RAPGEF2: variants seen among roughly 807,000 people sequenced by gnomAD.
RAPGEF2 encodes PDZ domain containing guanine nucleotide exchange factor (GEF) 1.
RAPGEF2 carries 54 observed loss-of-function variants against 186.7 expected under a neutral mutation model. That is an observed-to-expected ratio of 0.29 (90% CI 0.23 to 0.36). The LOEUF (loss-of-function observed/expected upper bound fraction) is 0.36, where lower values mean the gene tolerates loss of function less well. RAPGEF2 is among the 10% of genes least tolerant of loss of function. The pLI, the probability that RAPGEF2 is intolerant of heterozygous loss-of-function variation, is 1.00. For synonymous variants in RAPGEF2, 712 were observed against 705.9 expected, an observed-to-expected ratio of 1.01 and a Z score of -0.14; for missense variants, 1,532 against 2,045.0, an observed-to-expected ratio of 0.75 and a Z score of 4.84.
At chr4:159,249,748 G>A (rs981248206) in intron 7 of RAPGEF2, among the ~76,000 whole-genome samples, 10 of 151,718 alleles carry the variant, frequency 6.6e-5, no homozygotes, top group African/African-American at 2.4e-4. Context: ...CTTTTTCCCA[G>A]TAACAGCTTA....
At chr4:159,161,235 C>T (rs1405706451) in intron 1 of RAPGEF2, among the ~76,000 whole-genome samples, 3 of 152,030 alleles carry the variant, frequency 2.0e-5, no homozygotes, top group East Asian at 3.9e-4. Context: ...AATTGAACTT[C>T]GTAATAATAT....
intron 4 of RAPGEF2, among the ~76,000 whole-genome samples, chr4:159,221,697 A>C (rs1751554148): frequency 6.6e-6 from 1 of 152,200 alleles, no homozygotes; most frequent in South Asian, 2.1e-4. Flanking sequence ...TACATTCTAC[A>C]TTGGCTTAGC....
At chr4:159,260,798 G>C (rs1756742693) in intron 7 of RAPGEF2, among the ~76,000 whole-genome samples, 3 of 152,096 alleles carry the variant, frequency 2.0e-5, no homozygotes, top group Admixed American at 6.5e-5. Context: ...GCCCAGGCTG[G>C]AGTGCAATGG....
At chr4:159,180,283 TTCA>T (rs1746876956) in intron 1 of RAPGEF2, among the ~76,000 whole-genome samples, 1 of 152,210 alleles carries the variant, frequency 6.6e-6, no homozygotes, top group African/African-American at 2.4e-5. Context: ...TAAACTTTCT[TTCA>T]TTTTTCGGGG....
chr4:159,225,699 C>T (rs754036272), intron 4 of RAPGEF2, among the ~76,000 whole-genome samples: 3 of 152,090 alleles, frequency 2.0e-5, no homozygotes, highest in Non-Finnish European at 4.4e-5. Flanking sequence ...TGGCAGTATT[C>T]TTACTGTGGT....
chr4:159,298,836 C>T (rs748596262), intron 7 of RAPGEF2, among the ~76,000 whole-genome samples: 9 of 152,114 alleles, frequency 5.9e-5, no homozygotes, highest in East Asian at 5.8e-4. Context: ...GAGTCTGGTC[C>T]GTGATGATCT....
At chr4:159,104,987 G>C (rs1737720541) in intron 1 of RAPGEF2, among the ~76,000 whole-genome samples, 1 of 152,168 alleles carries the variant, frequency 6.6e-6, no homozygotes, top group Non-Finnish European at 1.5e-5. Context: ...TTCTTTTGGT[G>C]TTGCACAACC....
Position 159,295,763 on chromosome 4 carries a change from G to A in RAPGEF2, c.544-8579G>A, listed in dbSNP as rs546861199. On this transcript the variant is annotated intron_variant, in intron 7 of 29. Transcript: ENST00000691494. ...TGTGTGTGTGTGTGTGTGCGCGCGC[G>A]CGCGCGCGCGCATGCACATAATGTT... Among the ~76,000 whole-genome samples, 35 of 127,002 alleles carry A rather than the reference G, an allele frequency of 2.8e-4. No homozygotes were observed. The East Asian group carries it at 4.0e-3, about 14-fold the overall frequency. 83.3% of individuals were successfully genotyped at this position (127,002 alleles called of 152,430 possible).
chr4:159,338,581 A>G, intron 18 of RAPGEF2, 113 bp downstream of exon 18: 1 of 1,108,946 alleles, frequency 9.0e-7, no homozygotes, highest in Non-Finnish European at 1.3e-6. Context: ...TCAGATGCTG[A>G]GTAAGGATGA....
intron 7 of RAPGEF2, among the ~76,000 whole-genome samples, chr4:159,251,928 C>CT (rs1755476596): frequency 6.6e-6 from 1 of 152,004 alleles, no homozygotes; most frequent in Non-Finnish European, 1.5e-5. Context: ...TCTGCCACGT[C>CT]TTTAAGAGCG....
chr4:159,305,959 G>T (rs932478653), intron 8 of RAPGEF2, among the ~76,000 whole-genome samples: 1 of 152,048 alleles, frequency 6.6e-6, no homozygotes, highest in South Asian at 2.1e-4. Flanking sequence ...TCAAAGATCG[G>T]TTGGCTGTAA....
chr4:159,353,632 T>G lies in RAPGEF2; in HGVS notation c.4237T>G (p.Cys1413Gly). The change falls in exon 28 of 30, where the codon TGC becomes GGC. Residue 1413 changes from cysteine to glycine, a missense_variant. By Grantham distance (159) the Cys-to-Gly change is radical (BLOSUM62 -3). Coordinates refer to ENST00000691494, the MANE Select transcript of RAPGEF2 (RefSeq NM_001394067.2). This position sits in a 1 kb window ranked among gnomAD's most constrained non-coding sequence, Gnocchi z 4.3. ...CAGTGGCCGTGGGAGCTGGACGTCA[T>G]GCTCAAGTGGCTCCCATGATAATAT... The part of the protein sequence containing the change: ...ADSGRGSWTS[C>G]SSGSHDNIQT... The G allele has an allele frequency of 6.3e-7, 1 of 1,596,016 alleles. No homozygotes were observed. The highest frequency in any genetic ancestry group is 8.5e-7 in the Non-Finnish European group (1 of 1,172,596).
chr4:159,264,796 G>A (rs1757246091), intron 7 of RAPGEF2, among the ~76,000 whole-genome samples: 2 of 152,014 alleles, frequency 1.3e-5, no homozygotes, highest in African/African-American at 2.4e-5. Flanking sequence ...TCTACTTTGT[G>A]CCTACGTGAA....
intron 29 of RAPGEF2, among the ~76,000 whole-genome samples, chr4:159,357,036 A>G (rs188973266): frequency 6.6e-6 from 1 of 151,948 alleles, no homozygotes; most frequent in Admixed American, 6.6e-5. Context: ...ATGAATTGGG[A>G]CTCATTTGGA....
intron 1 of RAPGEF2, among the ~76,000 whole-genome samples, chr4:159,143,597 C>G (rs1213915686): frequency 2.6e-5 from 4 of 151,988 alleles, no homozygotes; most frequent in Non-Finnish European, 1.5e-5. Flanking sequence ...GAACTTGGGT[C>G]AAATGTAATT....
chr4:159,342,272 T>C (rs1022047529), intron 20 of RAPGEF2, among the ~76,000 whole-genome samples: 4 of 152,104 alleles, frequency 2.6e-5, no homozygotes, highest in African/African-American at 9.7e-5. Context: ...AATATCAGTT[T>C]ATTTTTCTGT....
At chr4:159,181,300 G>T (rs1433896879) in intron 1 of RAPGEF2, among the ~76,000 whole-genome samples, 2 of 152,132 alleles carry the variant, frequency 1.3e-5, no homozygotes, top group Admixed American at 1.3e-4. Context: ...TGCTTCTACT[G>T]TGTCTCTTAG....
At chr4:159,335,549 G>C (rs1021603822) in intron 17 of RAPGEF2, among the ~76,000 whole-genome samples, 2 of 152,162 alleles carry the variant, frequency 1.3e-5, no homozygotes, top group African/African-American at 4.8e-5. Context: ...GTGTTGCGGA[G>C]AAACGGTTCT....
At position 159,185,847 on chromosome 4, in the gene RAPGEF2, A is replaced by G. The variant is rs538951362; in HGVS notation, c.70-795A>G. On this transcript the variant is annotated intron_variant, in intron 1 of 29. Transcript: ENST00000691494. The stretch of plus-strand genomic sequence containing the variant: ...AAGCTGTTAACACTTTGAAAAGGAG[A>G]GGATTATTTTACAAATTTCTTAAAA... Among the ~76,000 whole-genome samples the G allele has an allele frequency of 7.9e-5, 12 of 152,266 alleles. No homozygotes were observed. In the South Asian group the frequency reaches 2.5e-3, roughly 32 times the overall value.
Sources: gnomAD v4.1 joint callset for allele counts (sites outside exome capture counted in the v4.1 genomes callset) on GRCh38, gnomAD v4.1.1 for gene constraint, Gnocchi (gnomAD v3.1) non-coding constraint, MANE v1.5 for transcripts, NCBI Gene and HGNC (gene_info 2026-07-23, HGNC 2026-07-21) for gene names.